ATP5PB: variants seen among roughly 807,000 people sequenced by gnomAD.
ATP5PB encodes the protein ATP synthase peripheral stalk-membrane subunit b.
A neutral mutation model predicts 34.5 loss-of-function variants in ATP5PB; 21 were observed. The ratio of observed to expected loss-of-function variants is 0.61; its 90% CI spans 0.43 to 0.88. The LOEUF is 0.88. ATP5PB is among the 40% of genes least tolerant of loss of function. The probability of loss-of-function intolerance (pLI) is 0.00; values close to 1 mark genes in which losing one functional copy is unlikely to be tolerated. For synonymous variants in ATP5PB, 108 were observed against 114.1 expected, an observed-to-expected ratio of 0.95 and a Z score of 0.34; for missense variants, 293 against 317.4, an observed-to-expected ratio of 0.92 and a Z score of 0.58.
At chr1:111,456,561 A>G (rs1239534328) in intron 4 of ATP5PB, 69 bp from the exon 5 acceptor site, 15 of 1,551,024 alleles carry the variant, frequency 9.7e-6, no homozygotes, top group Non-Finnish European at 7.8e-6. Flanking sequence ...TTGAAGAAGC[A>G]TGAAATGAAT....
At chr1:111,451,263 T>C (rs770446148) in intron 2 of ATP5PB, among the ~76,000 whole-genome samples, 96 of 152,214 alleles carry the variant, frequency 6.3e-4, no homozygotes, top group Non-Finnish European at 2.5e-4. Flanking sequence ...TTCTCCAACC[T>C]TGGTGTTCCT....
intron 5 of ATP5PB, 97 bp from the exon 6 acceptor site, chr1:111,459,360 A>G (rs1653555569): frequency 2.5e-6 from 3 of 1,179,680 alleles, no homozygotes; most frequent in Non-Finnish European, 3.5e-6. Flanking sequence ...CACGTAAAAT[A>G]CAAAAGAAGT....
At position 111,454,316 on chromosome 1, in the gene ATP5PB, G is replaced by A; in HGVS notation, c.183G>A (p.Glu61=). The A allele has an allele frequency of 6.2e-7, 1 of 1,611,206 alleles. No homozygotes were observed. Among genetic ancestry groups the A allele is most frequent in the Non-Finnish European group, 8.5e-7 (1 of 1,179,132 alleles). ...GGKVRYGLIP[E]EFFQFLYPKT... ...AAGTTCGTTATGGACTGATCCCTGAGGAATTCTTCCAGTTTCTTTATCCTA... is the reference window on the plus strand; with the variant it reads ...AAGTTCGTTATGGACTGATCCCTGAAGAATTCTTCCAGTTTCTTTATCCTA... The change falls in exon 3 of 7, where the codon GAG becomes GAA. Residue 61 remains glutamate, a synonymous_variant. Coordinates refer to ENST00000369722, the MANE Select transcript of ATP5PB (RefSeq NM_001688.5).
Position 111,449,575 on chromosome 1 carries a change from A to G in ATP5PB, c.34A>G (p.Thr12Ala), listed in dbSNP as rs11553281. 2 of 1,608,848 alleles carry G rather than the reference A, an allele frequency of 1.2e-6. No individual in the cohort carries two copies. The highest frequency in any genetic ancestry group is 3.4e-5 in the Admixed American group (2 of 59,546). ...CCGGGTGGTACTTTCCGCCGCCGCC[A>G]CAGCGGGTAAGGGGTATAGACCCTG... ...LSRVVLSAAA[T>A]AAPSLKNAAF... Residue 12 changes from threonine to alanine, a missense_variant, in exon 1 of 7, where the codon ACA (threonine) becomes GCA (alanine). Transcript: ENST00000369722.
chr1:111,452,410 A>G (rs1653358529), intron 2 of ATP5PB, among the ~76,000 whole-genome samples: 1 of 152,146 alleles, frequency 6.6e-6, no homozygotes, highest in Non-Finnish European at 1.5e-5. Context: ...AATAAAAAAA[A>G]AAAATAGCTG....
intron 2 of ATP5PB, among the ~76,000 whole-genome samples, chr1:111,450,275 G>C (rs1557798488): frequency 6.6e-6 from 1 of 152,156 alleles, no homozygotes; most frequent in Non-Finnish European, 1.5e-5. Flanking sequence ...CAGATACCTA[G>C]TTTTTGCTGC....
Position 111,461,985 on chromosome 1 carries a change from C to G in ATP5PB, c.*991C>G, listed in dbSNP as rs985405009. The G allele has an allele frequency of 2.7e-5, 4 of 150,824 alleles. No individual in the cohort carries two copies. Among genetic ancestry groups the G allele is most frequent in the African/African-American group, 9.8e-5 (4 of 40,986 alleles). The allele number at this position is 150,824 out of a possible 1,614,324, so 9.3% of individuals were successfully genotyped here. ...TGGCAAGGAAGTGGAGAAGTTGGAA[C>G]ACTTGTGCACTGTTCGTAGAAATAT... On this transcript the variant is annotated 3_prime_UTR_variant, in exon 7 of 7. Transcript: ENST00000369722.
chr1:111,455,622 A>G (rs556516861), intron 3 of ATP5PB, among the ~76,000 whole-genome samples: 2 of 152,342 alleles, frequency 1.3e-5, no homozygotes, highest in South Asian at 2.1e-4. Context: ...TTATATACAT[A>G]TCACTTTGTA....
chr1:111,453,403 T>TA (rs746366424), intron 2 of ATP5PB, among the ~76,000 whole-genome samples: 354 of 130,408 alleles, frequency 2.7e-3, no homozygotes, highest in East Asian at 4.9e-3. Context: ...TATACCTCAT[T>TA]AAAAAAAAAA....
chr1:111,449,777 A>G (rs2101752424), intron 1 of ATP5PB, 60 bp from the exon 2 acceptor site: 2 of 1,611,698 alleles, frequency 1.2e-6, no homozygotes, highest in South Asian at 1.1e-5. Flanking sequence ...TGGCGGGGGT[A>G]AGGAAAGGGC....
At chr1:111,449,698 G>A (rs1653252126) in intron 1 of ATP5PB, 117 bp downstream of exon 1, 1 of 1,553,890 alleles carries the variant, frequency 6.4e-7, no homozygotes, top group South Asian at 1.2e-5. Flanking sequence ...AGTGGTCAGT[G>A]CAGTTCGGAA....
At chr1:111,451,773 G>T (rs1263743825) in intron 2 of ATP5PB, among the ~76,000 whole-genome samples, 1 of 152,008 alleles carries the variant, frequency 6.6e-6, no homozygotes, top group African/African-American at 2.4e-5. Context: ...GTTTTTGAGA[G>T]CTGTTAAGTA....
chr1:111,450,016 C>T (rs1053349786), intron 2 of ATP5PB, 143 bp downstream of exon 2: 5 of 1,052,890 alleles, frequency 4.7e-6, no homozygotes, highest in Non-Finnish European at 4.3e-6. Flanking sequence ...AGACAAGACA[C>T]TTGTTCCTGT....
Position 111,459,655 on chromosome 1 carries a change from G to A in ATP5PB, c.693+19G>A, listed in dbSNP as rs1219494991. 1 of 1,610,422 alleles carries A rather than the reference G, an allele frequency of 6.2e-7. No individual in the cohort carries two copies. The stretch of plus-strand genomic sequence containing the variant: ...ACAGCAGGTACACAACATTTTTGTA[G>A]GTTCTGATGTTGTACTGGTATCTCT... On this transcript the variant is annotated intron_variant, in intron 6 of 6. Coordinates refer to ENST00000369722, the MANE Select transcript of ATP5PB (RefSeq NM_001688.5).
Position 111,461,313 on chromosome 1 carries a change from A to G in ATP5PB, c.*319A>G. The G allele has an allele frequency of 9.6e-6, 2 of 207,910 alleles. No homozygotes were observed. The highest frequency in any genetic ancestry group is 9.9e-6 in the Non-Finnish European group (1 of 100,802). The allele number at this position is 207,910 out of a possible 1,614,324, so 12.9% of individuals were successfully genotyped here. On this transcript the variant is annotated 3_prime_UTR_variant, in exon 7 of 7. Coordinates refer to ENST00000369722, the MANE Select transcript of ATP5PB (RefSeq NM_001688.5). ...AATTAATTCTACCATCTTGCAATAA[A>G]GTGACAATTGAATGAAACAGGGTTT...
chr1:111,456,081 T>C lies in ATP5PB; in HGVS notation c.224-5T>C, dbSNP rs556595057. 6.4e-7 allele frequency: 1 copy of C among 1,565,030 alleles called. No homozygotes were observed. The highest frequency in any genetic ancestry group is 1.4e-5 in the African/African-American group (1 of 72,664). ...CCTTCATAAAATAACTCTTTCTTCT[T>C]TTAGGACCCTATGTACTCGGAACTG... On this transcript the variant is annotated splice_region_variant and splice_polypyrimidine_tract_variant and intron_variant, in intron 3 of 6. Transcript: ENST00000369722.
intron 4 of ATP5PB, among the ~76,000 whole-genome samples, 175 bp from the exon 5 acceptor site, chr1:111,456,455 G>T (rs761697020): frequency 7.9e-5 from 12 of 152,168 alleles, no homozygotes; most frequent in African/African-American, 1.4e-4. Flanking sequence ...TCATTCAAAA[G>T]ATATTCTATA....
Position 111,454,839 on chromosome 1 carries a change from T to C in ATP5PB, c.223+483T>C, listed in dbSNP as rs182286503. ...TTTATTTGGGATTTTAACTTAATTT[T>C]ACAGCATTATCTCTGTTTGTTAGTA... is the stretch of plus-strand genomic sequence containing the variant. On this transcript the variant is annotated intron_variant, in intron 3 of 6. Transcript: ENST00000369722. Among the ~76,000 whole-genome samples the C allele has an allele frequency of 1.4e-4, 21 of 152,386 alleles. 1 individual carries two copies. Among genetic ancestry groups the C allele is most frequent in the Admixed American group, 1.1e-3 (17 of 15,310 alleles).
At chr1:111,456,584 C>G (rs753683954) in intron 4 of ATP5PB, 46 bp from the exon 5 acceptor site, 1 of 1,581,774 alleles carries the variant, frequency 6.3e-7, no homozygotes, top group Non-Finnish European at 8.6e-7. Context: ...CCTTTTTTTA[C>G]CCTTTGTGCT....
Sources: gnomAD v4.1 joint callset for allele counts (sites outside exome capture counted in the v4.1 genomes callset) on GRCh38, gnomAD v4.1.1 for gene constraint, MANE v1.5 for transcripts, NCBI Gene and HGNC (gene_info 2026-07-23, HGNC 2026-07-21) for gene names.